The following TSEN2 variants were observed in gnomAD, a reference collection of about 807,000 sequenced individuals.
TSEN2 encodes the protein tRNA splicing endonuclease subunit 2.
A neutral mutation model predicts 59.2 loss-of-function variants in TSEN2; 54 were observed. The ratio of observed to expected loss-of-function variants is 0.91; its 90% CI spans 0.73 to 1.14. The LOEUF is 1.14. Among genes scored for constraint, TSEN2 ranks in the 50% most tolerant of loss-of-function variants. TSEN2 has a pLI of 0.00. For missense variants in TSEN2, 636 were observed against 576.2 expected (o/e 1.10, Z -1.06); for synonymous variants, 195 against 198.2 (o/e 0.98, Z 0.14).
intron 6 of TSEN2, among the ~76,000 whole-genome samples, chr3:12,511,432 C>G (rs1245768355): frequency 3.3e-5 from 5 of 152,114 alleles, no homozygotes; most frequent in African/African-American, 9.7e-5. Context: ...AGAAAAGATT[C>G]ATGGTGTTGA....
At chr3:12,524,907 C>G (rs1235408763) in intron 8 of TSEN2, among the ~76,000 whole-genome samples, 1 of 151,880 alleles carries the variant, frequency 6.6e-6, no homozygotes, top group Non-Finnish European at 1.5e-5. Context: ...CGTGCTTGAG[C>G]TAACATTTGT....
In TSEN2 at chr3:12,487,690, A is replaced by G. The variant is rs181506785; in HGVS notation, c.-17-2094A>G. 3.9e-3 allele frequency among the ~76,000 whole-genome samples: 478 copies of G among 123,496 alleles called. 2 individuals carry two copies. Among genetic ancestry groups the G allele is most frequent in the Admixed American group, 6.1e-3 (74 of 12,208 alleles). The allele number at this position is 123,496 out of a possible 152,430, so 81.0% of individuals were successfully genotyped here. On this transcript the variant is annotated intron_variant, in intron 1 of 11. Transcript: ENST00000284995. ...TTTAGAATAAATTATTGTCTCTCCA[A>G]TTGAGTACTAAATGTGATAATTTAG...
chr3:12,501,503 C>T (rs1231063043), intron 4 of TSEN2, among the ~76,000 whole-genome samples: 1 of 152,134 alleles, frequency 6.6e-6, no homozygotes, highest in Non-Finnish European at 1.5e-5. Context: ...CTTTGGGATT[C>T]TTAGGAATCA....
chr3:12,526,569 C>T (rs2057100172), intron 8 of TSEN2, among the ~76,000 whole-genome samples: 1 of 152,156 alleles, frequency 6.6e-6, no homozygotes, highest in African/African-American at 2.4e-5. Flanking sequence ...AACGAAATTG[C>T]CTAAGGACTC....
intron 8 of TSEN2, among the ~76,000 whole-genome samples, chr3:12,523,668 T>A (rs1159707172): frequency 6.6e-6 from 1 of 151,552 alleles, no homozygotes; most frequent in East Asian, 1.9e-4. Flanking sequence ...GCTTCCCAAG[T>A]AGCTGGGATT....
At chr3:12,505,783 CAAAAA>C (rs34334319) in intron 6 of TSEN2, among the ~76,000 whole-genome samples, 1 of 84,684 alleles carries the variant, frequency 1.2e-5, no homozygotes, top group African/African-American at 4.4e-5. Flanking sequence ...AACTCTGTCT[CAAAAA>C]AAAAAAAAAA....
chr3:12,517,311 T>A (rs1212744918), intron 7 of TSEN2, among the ~76,000 whole-genome samples: 1 of 134,332 alleles, frequency 7.4e-6, no homozygotes. Context: ...TGAGCCGAGA[T>A]AGCGCCACTG....
chr3:12,482,598 T>G (rs1477688259), upstream of TSEN2, among the ~76,000 whole-genome samples: 1 of 152,056 alleles, frequency 6.6e-6, no homozygotes, highest in Non-Finnish European at 1.5e-5. Context: ...GGGAGGGGAA[T>G]TTGAGATCCC....
chr3:12,535,012 T>C (rs1437319868), downstream of TSEN2, among the ~76,000 whole-genome samples: 1 of 152,124 alleles, frequency 6.6e-6, no homozygotes, highest in African/African-American at 2.4e-5. Flanking sequence ...TGTTACTTAT[T>C]GACAACTTTA....
At position 12,519,021 on chromosome 3, in the gene TSEN2, C is replaced by T. The variant is rs780222262; in HGVS notation, c.961-38C>T. 4.3e-6 allele frequency: 7 copies of T among 1,611,036 alleles called. No homozygotes were observed. In the Admixed American group the frequency reaches 1.2e-4, roughly 27 times the overall value. Reference sequence around the variant, plus strand: ...TGGCTGAACGGAGAGTGAATGCATACATAGTAATGCTTTTTGTTTTTTTGT... The same window carrying T: ...TGGCTGAACGGAGAGTGAATGCATATATAGTAATGCTTTTTGTTTTTTTGT... On this transcript the variant is annotated intron_variant, in intron 7 of 11. Coordinates refer to ENST00000284995, the MANE Select transcript of TSEN2 (RefSeq NM_025265.4).
In TSEN2 at chr3:12,489,979, T is replaced by A. The variant is rs1350379159; in HGVS notation, c.179T>A (p.Leu60His). The A allele has an allele frequency of 1.9e-6, 3 of 1,614,030 alleles. No individual in the cohort carries two copies. The African/African-American group carries it at 4.0e-5, about 22-fold the overall frequency. ...IVRNAEDIEQ[L>H]YGKGYFGKGI... Reference sequence around the variant, plus strand: ...AGGAATGCGGAGGACATTGAGCAGCTCTATGGGAAAGTAAGTGCAGGCAGC... The same window carrying A: ...AGGAATGCGGAGGACATTGAGCAGCACTATGGGAAAGTAAGTGCAGGCAGC... The change falls in exon 2 of 12, where the codon CTC becomes CAC. Residue 60 changes from leucine to histidine, a missense_variant. Physicochemically the swap from Leu to His is moderately conservative, Grantham distance 99. Coordinates refer to ENST00000284995, the MANE Select transcript of TSEN2 (RefSeq NM_025265.4).
intron 8 of TSEN2, among the ~76,000 whole-genome samples, chr3:12,523,523 A>ATTTTTTTTTTTT (rs1386382924): frequency 1.8e-4 from 9 of 51,024 alleles, no homozygotes; most frequent in Non-Finnish European, 3.0e-4. Flanking sequence ...TTCCTCTTTG[A>ATTTTTTTTTTTT]TTCTTTTTTT....
At chr3:12,489,261 T>C (rs1415604952) in intron 1 of TSEN2, among the ~76,000 whole-genome samples, 2 of 152,196 alleles carry the variant, frequency 1.3e-5, no homozygotes, top group Non-Finnish European at 2.9e-5. Context: ...TAATGTACTT[T>C]AAAAATTGGG....
At chr3:12,516,424 C>T (rs898725144) in intron 6 of TSEN2, among the ~76,000 whole-genome samples, 187 bp from the exon 7 acceptor site, 9 of 125,612 alleles carry the variant, frequency 7.2e-5, no homozygotes, top group Admixed American at 5.3e-4. Flanking sequence ...GACTCCGTTT[C>T]AAAAACAAAC....
At chr3:12,499,375 C>T (rs1236058613) in intron 4 of TSEN2, among the ~76,000 whole-genome samples, 1 of 152,148 alleles carries the variant, frequency 6.6e-6, no homozygotes, top group African/African-American at 2.4e-5. Flanking sequence ...AAGACCTAGT[C>T]CCTGTTCTTG....
chr3:12,492,105 G>T, intron 2 of TSEN2, 31 bp from the exon 3 acceptor site: 2 of 1,589,830 alleles, frequency 1.3e-6, no homozygotes, highest in South Asian at 2.2e-5. Context: ...AACTAAGCAT[G>T]AACTAACTTC....
chr3:12,493,613 G>A (rs922573726), intron 3 of TSEN2, among the ~76,000 whole-genome samples: 2 of 152,172 alleles, frequency 1.3e-5, no homozygotes, highest in African/African-American at 4.8e-5. Context: ...TGTAATCCCA[G>A]CTACTCAGGA....
chr3:12,535,072 C>A (rs986025304), downstream of TSEN2, among the ~76,000 whole-genome samples: 1 of 151,992 alleles, frequency 6.6e-6, no homozygotes, highest in South Asian at 2.1e-4. Flanking sequence ...TTTATTGTTA[C>A]AACGTATTTG....
In TSEN2 at chr3:12,532,895, C is replaced by G. The variant is rs1425714738; in HGVS notation, c.*174C>G. The stretch of plus-strand genomic sequence containing the variant: ...AAATTACACAAGGGAGGAGAAAGAT[C>G]CCTGTGCTAGGACTGCAGATTCTAT... On this transcript the variant is annotated 3_prime_UTR_variant, in exon 12 of 12. Transcript: ENST00000284995. The G allele has an allele frequency of 2.9e-6, 2 of 686,516 alleles. No homozygotes were observed. Among genetic ancestry groups the G allele is most frequent in the Admixed American group, 4.7e-5 (2 of 42,594 alleles). The allele number at this position is 686,516 out of a possible 1,614,324, so 42.5% of individuals were successfully genotyped here.
Sources: gnomAD v4.1 joint callset for allele counts (sites outside exome capture counted in the v4.1 genomes callset) on GRCh38, gnomAD v4.1.1 for gene constraint, MANE v1.5 for transcripts, NCBI Gene and HGNC (gene_info 2026-07-23, HGNC 2026-07-21) for gene names.